Variants in WDR35 observed in about 807,000 individuals in gnomAD.
WDR35 encodes WD repeat domain 35.
Under a neutral mutation model 158.3 loss-of-function variants are expected in WDR35, and 118 were observed. The ratio of observed to expected loss-of-function variants is 0.75; its 90% CI spans 0.64 to 0.87. WDR35 has a LOEUF of 0.87. Ranked by LOEUF, WDR35 falls within the 40% of genes least tolerant of loss-of-function variation. The pLI is 0.00. For synonymous variants in WDR35, 448 were observed against 476.1 expected, an observed-to-expected ratio of 0.94 and a Z score of 0.77; for missense variants, 1,263 against 1,405.8, an observed-to-expected ratio of 0.90 and a Z score of 1.62.
At position 19,931,344 on chromosome 2, in the gene WDR35, T is replaced by TGACA; in HGVS notation, c.2885_2888dup (p.Ala964ValfsTer10). 1.2e-6 allele frequency: 2 copies of TGACA among 1,613,544 alleles called. No homozygotes were observed. The highest frequency in any genetic ancestry group is 1.7e-6 in the Non-Finnish European group (2 of 1,179,722). ...CATGGTATTGCTCTATAAGTAAGGC[T>TGACA]GACAGTACATAGAGCTTCTTGACAC... is the stretch of plus-strand genomic sequence containing the variant. On this transcript the variant is annotated frameshift_variant, in exon 24 of 27. Transcript: ENST00000281405. LOFTEE classifies it high-confidence loss of function.
At chr2:19,920,969 T>C (rs1670148601) in intron 25 of WDR35, among the ~76,000 whole-genome samples, 1 of 152,124 alleles carries the variant, frequency 6.6e-6, no homozygotes, top group South Asian at 2.1e-4. Context: ...GTGAGTGAAC[T>C]CCCATTCACA....
chr2:19,916,273 C>T (rs1458170577), intron 25 of WDR35, among the ~76,000 whole-genome samples: 1 of 152,226 alleles, frequency 6.6e-6, no homozygotes, highest in East Asian at 1.9e-4. Context: ...GCTGCCCACG[C>T]CACCGGGGCC....
chr2:19,936,996 C>T (rs541349324), intron 19 of WDR35, among the ~76,000 whole-genome samples: 26 of 152,262 alleles, frequency 1.7e-4, no homozygotes, highest in Admixed American at 3.9e-4. Flanking sequence ...CATTTCTTTT[C>T]AGCAATTTCT....
chr2:19,970,018 A>T (rs1394214447), intron 8 of WDR35, among the ~76,000 whole-genome samples: 1 of 152,174 alleles, frequency 6.6e-6, no homozygotes, highest in Non-Finnish European at 1.5e-5. Context: ...AACTGCTGGG[A>T]TTACAGGCGT....
intron 17 of WDR35, among the ~76,000 whole-genome samples, chr2:19,941,008 A>C (rs995053715): frequency 6.6e-6 from 1 of 152,218 alleles, no homozygotes; most frequent in African/African-American, 2.4e-5. Context: ...ACAATAAAAT[A>C]GCCATAATTT....
intron 10 of WDR35, among the ~76,000 whole-genome samples, chr2:19,964,339 G>T (rs960333009): frequency 8.4e-5 from 12 of 143,702 alleles, no homozygotes; most frequent in Admixed American, 2.8e-4. Flanking sequence ...TGTATATTTT[G>T]CCTGTTCACT....
intron 16 of WDR35, among the ~76,000 whole-genome samples, chr2:19,943,549 A>G (rs1222778513): frequency 6.6e-6 from 1 of 152,132 alleles, no homozygotes; most frequent in African/African-American, 2.4e-5. Flanking sequence ...TCATGTAAAT[A>G]ATTTCTAAAT....
At chr2:19,937,403 C>A (rs1348160991) in intron 19 of WDR35, among the ~76,000 whole-genome samples, 1 of 151,846 alleles carries the variant, frequency 6.6e-6, no homozygotes, top group Non-Finnish European at 1.5e-5. Context: ...TAAATAATGG[C>A]CTAAACAAAC....
chr2:19,915,823 A>G (rs1040400446), intron 25 of WDR35, among the ~76,000 whole-genome samples: 2 of 151,794 alleles, frequency 1.3e-5, no homozygotes, highest in Non-Finnish European at 2.9e-5. Flanking sequence ...GTTCTCACTC[A>G]TATGTGAGAT....
intron 4 of WDR35, among the ~76,000 whole-genome samples, chr2:19,979,844 G>A (rs1165750919): frequency 6.6e-6 from 1 of 150,992 alleles, no homozygotes; most frequent in Non-Finnish European, 1.5e-5. Context: ...TATCTTTAAT[G>A]AAGACTTTTT....
Position 19,945,848 on chromosome 2 carries a change from G to T in WDR35, c.1783C>A (p.Pro595Thr), listed in dbSNP as rs781732789. ...VWDMKWAKDN[P>T]DLFAMMEKTR... ...TTCTCCATCATTGCAAACAAATCAG[G>T]ATTATCTTTGGCCCACTTCATATCC... is the stretch of plus-strand genomic sequence containing the variant. The change falls in exon 16 of 27, where the codon CCT (proline) becomes ACT (threonine). Residue 595 changes from proline (P) to threonine (T), a missense_variant. Transcript: ENST00000281405. 1 of 1,613,826 alleles carries T rather than the reference G, an allele frequency of 6.2e-7. No homozygotes were observed. Among genetic ancestry groups the T allele is most frequent in the South Asian group, 1.1e-5 (1 of 91,076 alleles).
chr2:19,983,917 C>T (rs1265886020), intron 2 of WDR35, among the ~76,000 whole-genome samples: 1 of 151,654 alleles, frequency 6.6e-6, no homozygotes, highest in African/African-American at 2.4e-5. Flanking sequence ...AATTGTACAA[C>T]ATACTTAAAC....
intron 10 of WDR35, among the ~76,000 whole-genome samples, chr2:19,962,719 A>G (rs1443137784): frequency 6.6e-6 from 1 of 152,130 alleles, no homozygotes; most frequent in African/African-American, 2.4e-5. Flanking sequence ...ACTATTACCC[A>G]TAACATTTAA....
At chr2:19,971,555 T>A (rs542922396) in intron 8 of WDR35, among the ~76,000 whole-genome samples, 1 of 152,232 alleles carries the variant, frequency 6.6e-6, no homozygotes, top group East Asian at 1.9e-4. Context: ...ATATATACTA[T>A]GCAGTCTGTG....
chr2:19,949,051 C>T (rs1572339919), intron 13 of WDR35, among the ~76,000 whole-genome samples: 1 of 152,192 alleles, frequency 6.6e-6, no homozygotes, highest in East Asian at 1.9e-4. Context: ...AGTTACAGTA[C>T]TGCGCCAATG....
chr2:19,911,252 G>GCTCT lies in WDR35; in HGVS notation c.*2305_*2306insAGAG. The GCTCT allele has an allele frequency of 6.6e-6, 1 of 152,322 alleles. No homozygotes were observed. Among genetic ancestry groups the GCTCT allele is most frequent in the Admixed American group, 6.5e-5 (1 of 15,304 alleles). The allele number at this position is 152,322 out of a possible 1,614,324, so 9.4% of individuals were successfully genotyped here. On this transcript the variant is annotated 3_prime_UTR_variant, in exon 27 of 27. Transcript: ENST00000281405. ...TGCAACCAACAAATCACAGTAAGGG[G>GCTCT]CTAGAGGCATGACAATCGAATGAAT...
Position 19,960,581 on chromosome 2 carries a change from G to T in WDR35, c.1228C>A (p.Pro410Thr), listed in dbSNP as rs537142424. The T allele has an allele frequency of 3.1e-6, 5 of 1,609,154 alleles. No homozygotes were observed. In the African/African-American group the frequency reaches 6.7e-5, roughly 21 times the overall value. ...ATATCAATGTATTTGGGATCCAAGG[G>T]TGTACCAATAGAATTACAAAGAACT... ...VLVLCNSIGT[P>T]LDPKYIDIVP... Residue 410 changes from proline (P) to threonine (T), a missense_variant, in exon 11 of 27, where the codon CCC becomes ACC. Physicochemically the swap from Pro to Thr is conservative, Grantham distance 38 (BLOSUM62 -1). Coordinates refer to ENST00000281405, the MANE Select transcript of WDR35 (RefSeq NM_020779.4).
intron 16 of WDR35, among the ~76,000 whole-genome samples, chr2:19,943,926 TAAC>T (rs1461170556): frequency 1.3e-5 from 2 of 152,106 alleles, no homozygotes; most frequent in Non-Finnish European, 2.9e-5. Flanking sequence ...CTAGAATTCT[TAAC>T]AACACTCAAA....
chr2:19,957,517 G>T (rs1328940144), intron 11 of WDR35, among the ~76,000 whole-genome samples: 1 of 149,232 alleles, frequency 6.7e-6, no homozygotes, highest in Admixed American at 6.7e-5. Flanking sequence ...TTCAATATCT[G>T]AAAAGAAAAA....
Sources: gnomAD v4.1 joint callset for allele counts (sites outside exome capture counted in the v4.1 genomes callset) on GRCh38, gnomAD v4.1.1 for gene constraint, MANE v1.5 for transcripts, NCBI Gene and HGNC (gene_info 2026-07-23, HGNC 2026-07-21) for gene names.